The following CERS3 variants were observed in gnomAD, a reference collection of about 807,000 sequenced individuals.
CERS3 encodes the protein ceramide synthase 3.
Under a neutral mutation model 50.3 loss-of-function variants are expected in CERS3, and 33 were observed. That is an observed-to-expected ratio of 0.66 (90% confidence interval 0.50 to 0.88). CERS3 has a LOEUF of 0.88. CERS3 is among the 40% of genes least tolerant of loss of function. The pLI, the probability that CERS3 is intolerant of heterozygous loss-of-function variation, is 0.00. For synonymous variants in CERS3, 176 were observed against 155.2 expected (o/e 1.13, Z -0.99); for missense variants, 470 against 460.3 (o/e 1.02, Z -0.19).
At chr15:100,533,867 C>T (rs1000397045), upstream of CERS3, among the ~76,000 whole-genome samples, 1 of 152,180 alleles carries the variant, frequency 6.6e-6, no homozygotes, top group Non-Finnish European at 1.5e-5. Context: ...CCACTGGGTT[C>T]TTTCAAAACT....
chr15:100,418,954 C>A lies in CERS3; in HGVS notation c.1000-16089G>T, dbSNP rs1283757820. ...AAGCACTAAACATGGAAAGGAACAA[C>A]CAGTACCAGCCACTGCAAAATCGTG... On this transcript the variant is annotated intron_variant, in intron 11 of 11. Coordinates refer to ENST00000679737, the MANE Select transcript of CERS3 (RefSeq NM_001378789.1). Among the ~76,000 whole-genome samples the A allele has an allele frequency of 6.7e-5, 9 of 133,406 alleles. No individual in the cohort carries two copies. In the East Asian group the frequency reaches 2.3e-3, roughly 34 times the overall value. 87.5% of individuals were successfully genotyped at this position (133,406 alleles called of 152,430 possible). A position where few individuals can be genotyped will look rare whatever the true frequency, so the allele number is the denominator to read the frequency against.
rs114591965 is a variant in CERS3, at chr15:100,439,952, G to C, written c.999+15941C>G. On this transcript the variant is annotated intron_variant, in intron 11 of 11. Transcript: ENST00000679737. ...ACCTGCTGGGTTTCTAATCAGGCCTGGCATGACCCATTAGAGATCAGACAT... is the reference window on the plus strand; with the variant it reads ...ACCTGCTGGGTTTCTAATCAGGCCTCGCATGACCCATTAGAGATCAGACAT... Among the ~76,000 whole-genome samples the C allele has an allele frequency of 6.7e-3, 1,018 of 152,248 alleles. 8 individuals are homozygous for C. Among genetic ancestry groups the C allele is most frequent in the African/African-American group, 0.022 (920 of 41,540 alleles).
chr15:100,518,213 G>A (rs1425981344), intron 2 of CERS3, among the ~76,000 whole-genome samples: 1 of 152,056 alleles, frequency 6.6e-6, no homozygotes, highest in East Asian at 1.9e-4. Context: ...GATAGGGGGT[G>A]ACAGAGACAG....
chr15:100,502,608 C>T (rs780921327), intron 2 of CERS3, among the ~76,000 whole-genome samples: 1 of 152,170 alleles, frequency 6.6e-6, no homozygotes, highest in African/African-American at 2.4e-5. Flanking sequence ...AAGGGGCAGG[C>T]ACGTTTCACT....
upstream of CERS3, among the ~76,000 whole-genome samples, chr15:100,533,776 T>C (rs1410670717): frequency 6.6e-6 from 1 of 152,120 alleles, no homozygotes; most frequent in East Asian, 1.9e-4. Flanking sequence ...GCCAGGATGG[T>C]CTCGATCTCC....
In CERS3 at chr15:100,476,160, A is replaced by G; in HGVS notation, c.535T>C (p.Tyr179His). ...YPKQPLLPSQ[Y>H]WYYILEMSFY... is the part of the protein sequence containing the mutation. ...CTCATTTCTAAAATGTAGTACCAGT[A>G]CTGGGATGGCAGCAGGGGCTGAGGA... The change falls in exon 8 of 12, where the codon TAC (tyrosine) becomes CAC (histidine). Residue 179 changes from tyrosine to histidine, a missense_variant. Coordinates refer to ENST00000679737, the MANE Select transcript of CERS3 (RefSeq NM_001378789.1). 6.3e-7 allele frequency: 1 copy of G among 1,577,114 alleles called. No individual in the cohort carries two copies.
intron 2 of CERS3, among the ~76,000 whole-genome samples, chr15:100,514,230 A>G (rs980605842): frequency 5.9e-5 from 9 of 152,332 alleles, no homozygotes; most frequent in African/African-American, 2.2e-4. Flanking sequence ...GTTAAATGAT[A>G]AATTGGAGTC....
chr15:100,406,859 A>C (rs1408111786), intron 11 of CERS3, among the ~76,000 whole-genome samples: 1 of 152,228 alleles, frequency 6.6e-6, no homozygotes, highest in Non-Finnish European at 1.5e-5. Context: ...TTACAGTTCC[A>C]CACTGGCTGG....
upstream of CERS3, chr15:100,528,988 G>C (rs1232720282): frequency 6.6e-6 from 1 of 152,206 alleles, no homozygotes; most frequent in Non-Finnish European, 1.5e-5. Flanking sequence ...CAAGATTTCT[G>C]ACTGAGGGCA....
intron 10 of CERS3, among the ~76,000 whole-genome samples, chr15:100,461,869 T>C (rs898516328): frequency 5.3e-5 from 8 of 152,246 alleles, no homozygotes; most frequent in East Asian, 1.9e-4. Flanking sequence ...GGAGTAGCCA[T>C]TGTGGCACGG....
intron 4 of CERS3, among the ~76,000 whole-genome samples, chr15:100,486,028 A>C (rs1333683543): frequency 6.6e-6 from 1 of 152,238 alleles, no homozygotes; most frequent in East Asian, 1.9e-4. Flanking sequence ...TCATGTCCCA[A>C]AAGGCCAGGC....
At chr15:100,508,310 G>A (rs1375628881) in intron 2 of CERS3, among the ~76,000 whole-genome samples, 2 of 152,064 alleles carry the variant, frequency 1.3e-5, no homozygotes, top group Non-Finnish European at 2.9e-5. Flanking sequence ...CTTAGTTACT[G>A]CTTAAGGTGG....
intron 11 of CERS3, among the ~76,000 whole-genome samples, chr15:100,418,391 A>G (rs1293865070): frequency 6.1e-4 from 88 of 144,962 alleles, no homozygotes; most frequent in Non-Finnish European, 6.8e-4. Flanking sequence ...AAAAAGAATA[A>G]AAAGAAATGA....
chr15:100,424,029 C>T (rs1355456248), intron 11 of CERS3, among the ~76,000 whole-genome samples: 1 of 151,732 alleles, frequency 6.6e-6, no homozygotes, highest in Non-Finnish European at 1.5e-5. Context: ...ACAACCTCCA[C>T]CTCCCGAGTT....
intron 11 of CERS3, among the ~76,000 whole-genome samples, chr15:100,451,424 C>T (rs1031152759): frequency 6.6e-6 from 1 of 152,062 alleles, no homozygotes; most frequent in Admixed American, 6.6e-5. Flanking sequence ...ATAGACTAGG[C>T]CAGGCATGGT....
At chr15:100,403,685 T>G (rs2030742956) in intron 11 of CERS3, among the ~76,000 whole-genome samples, 1 of 152,202 alleles carries the variant, frequency 6.6e-6, no homozygotes, top group Non-Finnish European at 1.5e-5. Context: ...CTACTAAAAC[T>G]TGCCCCAGCC....
intron 2 of CERS3, among the ~76,000 whole-genome samples, chr15:100,520,510 T>TCACAGC (rs893124041): frequency 6.6e-6 from 1 of 152,194 alleles, no homozygotes; most frequent in Non-Finnish European, 1.5e-5. Flanking sequence ...CTGCTCCTTC[T>TCACAGC]CACAGCGAGC....
intron 5 of CERS3, among the ~76,000 whole-genome samples, chr15:100,484,069 G>A (rs777733962): frequency 3.3e-5 from 5 of 151,988 alleles, no homozygotes; most frequent in Non-Finnish European, 7.4e-5. Context: ...CTGGGGTCAT[G>A]AGCCACGCCA....
At chr15:100,517,761 A>T (rs2036531581) in intron 2 of CERS3, among the ~76,000 whole-genome samples, 1 of 152,180 alleles carries the variant, frequency 6.6e-6, no homozygotes, top group African/African-American at 2.4e-5. Context: ...GGAAAAGAAC[A>T]AGATGACAAA....
Sources: allele counts gnomAD v4.1 joint callset (sites outside exome capture counted in the v4.1 genomes callset), GRCh38; gene constraint gnomAD v4.1.1; transcripts MANE v1.5; gene names NCBI Gene and HGNC (gene_info 2026-07-23, HGNC 2026-07-21).